CENPU: variants seen among roughly 807,000 people sequenced by gnomAD.
The protein encoded by CENPU is centromere protein U.
CENPU carries 46 observed loss-of-function variants against 56.7 expected under a neutral mutation model. The ratio of observed to expected loss-of-function variants is 0.81; its 90% CI spans 0.64 to 1.04. The LOEUF (loss-of-function observed/expected upper bound fraction) is 1.04. CENPU is among the 50% of genes least tolerant of loss of function. The pLI is 0.00. For synonymous variants in CENPU, 166 were observed against 163.0 expected, an observed-to-expected ratio of 1.02 and a Z score of -0.14; for missense variants, 510 against 490.1, an observed-to-expected ratio of 1.04 and a Z score of -0.38.
chr4:184,697,499 T>G, intron 12 of CENPU, 148 bp downstream of exon 12: 1 of 725,452 alleles, frequency 1.4e-6, no homozygotes, highest in South Asian at 1.8e-5. Context: ...ATAATGAAGT[T>G]TCACTGGCTT....
intron 8 of CENPU, among the ~76,000 whole-genome samples, chr4:184,703,368 AAAGCTGAC>A (rs1381926846): frequency 6.6e-6 from 1 of 152,218 alleles, no homozygotes; most frequent in Non-Finnish European, 1.5e-5. Flanking sequence ...CAGAAACTAT[AAAGCTGAC>A]TCAAAGAAAC....
At position 184,734,076 on chromosome 4, in the gene CENPU, GCT is replaced by G; in HGVS notation, c.-16_-15del. ...CCGCGGGGCCATGGTGCCGCTCTCC[GCT>G]CTCGAGCGACTGGAAGCTCCCGCCA... On this transcript the variant is annotated 5_prime_UTR_variant, in exon 1 of 13. Coordinates refer to ENST00000281453, the MANE Select transcript of CENPU (RefSeq NM_024629.4). 6.5e-7 allele frequency: 1 copy of G among 1,546,742 alleles called. No homozygotes were observed. Among genetic ancestry groups the G allele is most frequent in the Non-Finnish European group, 8.7e-7 (1 of 1,147,660 alleles).
chr4:184,697,074 T>C (rs997402951), intron 12 of CENPU, among the ~76,000 whole-genome samples: 3 of 151,940 alleles, frequency 2.0e-5, no homozygotes, highest in African/African-American at 7.3e-5. Flanking sequence ...AGAGATGGGG[T>C]TTCACCATAT....
chr4:184,731,883 C>CTGTGTGTGTGTGTGTGTGTGTGTGTG lies in CENPU; in HGVS notation c.48-941_48-916dup, dbSNP rs59083873. 1.7e-3 allele frequency among the ~76,000 whole-genome samples: 247 copies of CTGTGTGTGTGTGTGTGTGTGTGTGTG among 146,750 alleles called. 1 individual carries two copies. The highest frequency in any genetic ancestry group is 4.8e-3 in the African/African-American group (189 of 39,580). On this transcript the variant is annotated intron_variant, in intron 1 of 12. Coordinates refer to ENST00000281453, the MANE Select transcript of CENPU (RefSeq NM_024629.4). ...TCTGTATGCCCTTTACTCATGTGCT[C>CTGTGTGTGTGTGTGTGTGTGTGTGTG]TGTGTGTGTGTGTGTGTGTGTGTGT...
At chr4:184,733,951 G>A in intron 1 of CENPU, 65 bp downstream of exon 1, 2 of 1,602,998 alleles carry the variant, frequency 1.2e-6, no homozygotes, top group East Asian at 2.2e-5. Context: ...CGCAAACCAC[G>A]GCAGGCGAGG....
intron 10 of CENPU, 128 bp from the exon 11 acceptor site, chr4:184,701,009 C>G: frequency 1.4e-6 from 1 of 721,534 alleles, no homozygotes; most frequent in Non-Finnish European, 2.5e-6. Flanking sequence ...AGACTTTGGT[C>G]TAATGGGGAA....
At chr4:184,709,819 A>G (rs1760862241) in intron 8 of CENPU, among the ~76,000 whole-genome samples, 1 of 151,974 alleles carries the variant, frequency 6.6e-6, no homozygotes, top group African/African-American at 2.4e-5. Flanking sequence ...GTATCACTGG[A>G]CCATGATCTT....
Position 184,716,552 on chromosome 4 carries a change from C to A in CENPU, c.463G>T (p.Glu155Ter). The A allele has an allele frequency of 6.2e-7, 1 of 1,614,196 alleles. No homozygotes were observed. The highest frequency in any genetic ancestry group is 8.5e-7 in the Non-Finnish European group (1 of 1,180,032). Reference protein sequence around the residue: ...SDTRRKVKSAEKISTQRHEVI... With the variant: ...SDTRRKVKSA Reference sequence around the variant, plus strand: ...TCATGACGTTGTGTACTTATTTTCTCTGCTGATTTAACTTTTCTCCTTGTA... The same window carrying A: ...TCATGACGTTGTGTACTTATTTTCTATGCTGATTTAACTTTTCTCCTTGTA... Residue 155 changes from glutamate to a stop codon, truncating the protein, a stop_gained, in exon 6 of 13, where the codon GAG becomes TAG. Transcript: ENST00000281453. LOFTEE classifies it high-confidence loss of function.
At chr4:184,699,086 G>GAAA (rs1760439425) in intron 11 of CENPU, among the ~76,000 whole-genome samples, 1 of 151,972 alleles carries the variant, frequency 6.6e-6, no homozygotes, top group Non-Finnish European at 1.5e-5. Flanking sequence ...CCAGCACTTT[G>GAAA]GGAGGCCAAG....
chr4:184,729,026 G>T lies in CENPU; in HGVS notation c.106C>A (p.Gln36Lys). 2 of 1,612,438 alleles carry T rather than the reference G, an allele frequency of 1.2e-6. No homozygotes were observed. Among genetic ancestry groups the T allele is most frequent in the South Asian group, 2.2e-5 (2 of 90,744 alleles). ...RTHSMKDKAG[Q>K]KCKPIDVFDF... ...AACACGTCAATAGGCTTGCACTTTTGACCAGCTTTCTAAAAGTGAATAAAG... is the reference window on the plus strand; with the variant it reads ...AACACGTCAATAGGCTTGCACTTTTTACCAGCTTTCTAAAAGTGAATAAAG... Residue 36 changes from glutamine to lysine, a missense_variant, in exon 3 of 13, where the codon CAA becomes AAA. Physicochemically the swap from Gln to Lys is moderately conservative, Grantham distance 53 (BLOSUM62 1). Coordinates refer to ENST00000281453, the MANE Select transcript of CENPU (RefSeq NM_024629.4).
At chr4:184,710,334 C>A in intron 7 of CENPU, 154 bp from the exon 8 acceptor site, 1 of 487,620 alleles carries the variant, frequency 2.1e-6, no homozygotes, top group South Asian at 3.8e-5. Context: ...ACTTCTTATC[C>A]CTGTGCACAG....
intron 4 of CENPU, among the ~76,000 whole-genome samples, chr4:184,719,315 C>T (rs1327573883): frequency 6.6e-6 from 1 of 152,180 alleles, no homozygotes; most frequent in African/African-American, 2.4e-5. Flanking sequence ...GCAGTGGCTG[C>T]GTGGCACAGA....
chr4:184,730,283 A>G (rs1180840059), intron 2 of CENPU, among the ~76,000 whole-genome samples: 1 of 152,108 alleles, frequency 6.6e-6, no homozygotes, highest in African/African-American at 2.4e-5. Flanking sequence ...CAGAGCGCTG[A>G]GCAAAACCCT....
intron 8 of CENPU, among the ~76,000 whole-genome samples, chr4:184,708,651 C>A (rs4443323): frequency 0.11 from 17,323 of 152,098 alleles, 1,244 homozygotes; most frequent in Middle Eastern, 0.17. Flanking sequence ...TACAAAGTTT[C>A]CAAAGTATTT....
intron 3 of CENPU, among the ~76,000 whole-genome samples, chr4:184,725,789 C>A (rs1474487703): frequency 6.6e-6 from 1 of 151,996 alleles, no homozygotes; most frequent in East Asian, 1.9e-4. Context: ...TAAAAAGATA[C>A]CTTGAATGAG....
chr4:184,704,970 A>T (rs1243154558), intron 8 of CENPU, among the ~76,000 whole-genome samples: 1 of 152,208 alleles, frequency 6.6e-6, no homozygotes, highest in African/African-American at 2.4e-5. Context: ...GGATGTAGAG[A>T]ATCTGGATCA....
intron 8 of CENPU, among the ~76,000 whole-genome samples, chr4:184,706,913 G>A (rs997932243): frequency 2.0e-5 from 3 of 151,586 alleles, no homozygotes; most frequent in Admixed American, 6.6e-5. Context: ...TACCCACTGG[G>A]TGGTAAGTTC....
At chr4:184,731,722 T>C (rs1223728675) in intron 1 of CENPU, among the ~76,000 whole-genome samples, 2 of 152,218 alleles carry the variant, frequency 1.3e-5, no homozygotes, top group Non-Finnish European at 2.9e-5. Context: ...CTTTAAAATA[T>C]GCCATGCAGA....
At chr4:184,706,369 GA>G (rs1259104014) in intron 8 of CENPU, among the ~76,000 whole-genome samples, 1 of 152,062 alleles carries the variant, frequency 6.6e-6, no homozygotes, top group African/African-American at 2.4e-5. Flanking sequence ...TTTTAAATAA[GA>G]AAAACTGGTC....
Sources: gnomAD v4.1 joint callset for allele counts (sites outside exome capture counted in the v4.1 genomes callset) on GRCh38, gnomAD v4.1.1 for gene constraint, MANE v1.5 for transcripts, NCBI Gene and HGNC (gene_info 2026-07-23, HGNC 2026-07-21) for gene names.